SFI1: variants seen among roughly 807,000 people sequenced by gnomAD.
SFI1 encodes protein SFI1 homolog.
In SFI1, 195 loss-of-function variants were observed where a neutral mutation model predicts 207.5. That is an observed-to-expected ratio of 0.94 (90% CI 0.84 to 1.06). The LOEUF is 1.06. SFI1 is among the 50% of genes least tolerant of loss of function. The pLI, the probability that SFI1 is intolerant of heterozygous loss-of-function variation, is 0.00. For missense variants in SFI1, 1,634 were observed against 1,588.0 expected, an observed-to-expected ratio of 1.03 and a Z score of -0.49; for synonymous variants, 630 against 598.9, an observed-to-expected ratio of 1.05 and a Z score of -0.76.
intron 24 of SFI1, chr22:31,612,194 C>T (rs1021184394): frequency 1.8e-4 from 78 of 445,454 alleles, no homozygotes; most frequent in African/African-American, 5.0e-4. Context: ...CTGGCTAACA[C>T]GGTGAAACCC....
At chr22:31,535,844 C>A (rs944479734) in intron 4 of SFI1, among the ~76,000 whole-genome samples, 2 of 152,146 alleles carry the variant, frequency 1.3e-5, no homozygotes, top group East Asian at 3.9e-4. Flanking sequence ...TCAATTAATC[C>A]TTCTGCCTCT....
chr22:31,579,340 G>A (rs2063838445), intron 11 of SFI1, among the ~76,000 whole-genome samples: 1 of 149,226 alleles, frequency 6.7e-6, no homozygotes, highest in Middle Eastern at 3.2e-3. Flanking sequence ...TTTTGAGACA[G>A]AGTCTCGCTC....
chr22:31,513,912 T>C (rs1001929028), intron 2 of SFI1, among the ~76,000 whole-genome samples: 1 of 151,368 alleles, frequency 6.6e-6, no homozygotes, highest in Non-Finnish European at 1.5e-5. Flanking sequence ...GGCGGGTGGA[T>C]TACCTGAGGT....
At chr22:31,597,003 GCA>G (rs1483238126) in intron 15 of SFI1, among the ~76,000 whole-genome samples, 1 of 140,396 alleles carries the variant, frequency 7.1e-6, no homozygotes, top group Non-Finnish European at 1.5e-5. Flanking sequence ...CTGAAGACAC[GCA>G]CACACGGTAC....
intron 7 of SFI1, among the ~76,000 whole-genome samples, chr22:31,560,993 G>A (rs1488903971): frequency 5.9e-5 from 9 of 152,114 alleles, no homozygotes; most frequent in Non-Finnish European, 1.3e-4. Flanking sequence ...GTAAGCCACC[G>A]TACCAGGCCA....
At chr22:31,572,611 C>T (rs2145838736) in intron 8 of SFI1, among the ~76,000 whole-genome samples, 1 of 152,168 alleles carries the variant, frequency 6.6e-6, no homozygotes, top group East Asian at 1.9e-4. Flanking sequence ...AAGTGATTCT[C>T]CTGCCTCAGC....
At chr22:31,577,737 A>G (rs1355625509) in intron 10 of SFI1, among the ~76,000 whole-genome samples, 2 of 152,168 alleles carry the variant, frequency 1.3e-5, no homozygotes, top group African/African-American at 2.4e-5. Flanking sequence ...TCTCTTAAAA[A>G]AGAAAAGAAG....
chr22:31,517,894 T>A (rs1053434333), intron 2 of SFI1, among the ~76,000 whole-genome samples: 1 of 152,224 alleles, frequency 6.6e-6, no homozygotes. Context: ...CTTTTAAGAA[T>A]GTCTAAGCTA....
At chr22:31,545,584 A>AATTTAATTTAATTTTATTTT (rs1412682098) in intron 4 of SFI1, among the ~76,000 whole-genome samples, 2 of 144,884 alleles carry the variant, frequency 1.4e-5, no homozygotes, top group Non-Finnish European at 3.0e-5. Context: ...AATTTAATTT[A>AATTTAATTTAATTTTATTTT]ATTTTATTTT....
chr22:31,581,455 A>AT (rs2064169691), intron 12 of SFI1, among the ~76,000 whole-genome samples: 1 of 151,644 alleles, frequency 6.6e-6, no homozygotes, highest in Admixed American at 6.6e-5. Flanking sequence ...AGCCCAGCTA[A>AT]TTTTTTTGTA....
intron 14 of SFI1, 106 bp from the exon 15 acceptor site, chr22:31,589,341 A>G (rs1203998273): frequency 1.5e-5 from 16 of 1,075,614 alleles, no homozygotes; most frequent in Non-Finnish European, 2.0e-5. Flanking sequence ...TCTTTTTCTC[A>G]TTTTTATTAT....
Position 31,583,170 on chromosome 22 carries a change from A to G in SFI1, c.1249-705A>G, listed in dbSNP as rs918490348. On this transcript the variant is annotated intron_variant, in intron 12 of 32. Transcript: ENST00000400288. ...CTCTTGTTGCCCAGGCTGGAGTGCA[A>G]TGGTGCCATCTCGGCTCACTGCAAC... Among the ~76,000 whole-genome samples, 7 of 151,992 alleles carry G rather than the reference A, an allele frequency of 4.6e-5. No homozygotes were observed. In the South Asian group the frequency reaches 8.3e-4, roughly 18 times the overall value.
At chr22:31,536,565 C>T (rs2059011506) in intron 4 of SFI1, among the ~76,000 whole-genome samples, 2 of 152,188 alleles carry the variant, frequency 1.3e-5, no homozygotes, top group Non-Finnish European at 2.9e-5. Context: ...GTGCACGCCA[C>T]CATGCTCTGC....
intron 8 of SFI1, among the ~76,000 whole-genome samples, chr22:31,569,194 A>G (rs1294649587): frequency 6.6e-6 from 1 of 152,176 alleles, no homozygotes; most frequent in Non-Finnish European, 1.5e-5. Context: ...ACCCCTAATG[A>G]GGACATAGAT....
At position 31,589,436 on chromosome 22, in the gene SFI1, T is replaced by G. The variant is rs772841178; in HGVS notation, c.1414-11T>G. The stretch of plus-strand genomic sequence containing the variant: ...AGTTAAGTACAAAGGTTATTCATTC[T>G]TTTACTTTAGCTGCTACAGGCCAGA... On this transcript the variant is annotated splice_polypyrimidine_tract_variant and intron_variant, in intron 14 of 32. Coordinates refer to ENST00000400288, the MANE Select transcript of SFI1 (RefSeq NM_001007467.3). The G allele has an allele frequency of 6.3e-7, 1 of 1,588,476 alleles. No individual in the cohort carries two copies. Among genetic ancestry groups the G allele is most frequent in the Non-Finnish European group, 8.5e-7 (1 of 1,172,002 alleles).
At chr22:31,503,053 T>TGAA (rs1370785249) in intron 1 of SFI1, among the ~76,000 whole-genome samples, 10 of 14,996 alleles carry the variant, frequency 6.7e-4, no homozygotes, top group African/African-American at 2.2e-3. Flanking sequence ...AGACTCTGTC[T>TGAA]CAAAAAAAAA....
At chr22:31,528,898 T>G in intron 3 of SFI1, 35 bp downstream of exon 3, 1 of 1,567,560 alleles carries the variant, frequency 6.4e-7, no homozygotes, top group Non-Finnish European at 8.7e-7. Context: ...CTATGGGTAC[T>G]TTGCTTTTGT....
At chr22:31,547,552 C>G (rs2060204678) in intron 5 of SFI1, among the ~76,000 whole-genome samples, 1 of 151,932 alleles carries the variant, frequency 6.6e-6, no homozygotes. Flanking sequence ...TTCAGGTGAT[C>G]CGCCTGCCTT....
At chr22:31,584,084 G>C (rs1158086817) in intron 13 of SFI1, 112 bp downstream of exon 13, 8 of 895,958 alleles carry the variant, frequency 8.9e-6, no homozygotes, top group African/African-American at 8.2e-5. Flanking sequence ...ATTCAGAAAG[G>C]CCTGCTGGGG....
Sources: allele counts gnomAD v4.1 joint callset (sites outside exome capture counted in the v4.1 genomes callset), GRCh38; gene constraint gnomAD v4.1.1; transcripts MANE v1.5; gene names NCBI Gene and HGNC (gene_info 2026-07-23, HGNC 2026-07-21).